The following MAP3K15 variants were observed in gnomAD, a reference collection of about 807,000 sequenced individuals.
MAP3K15 encodes mitogen-activated protein kinase kinase kinase 15.
In MAP3K15, 124 loss-of-function variants were observed where a neutral mutation model predicts 99.5. The observed-to-expected ratio is 1.25, with a 90% CI of 1.08 to 1.45. MAP3K15 has a LOEUF of 1.45. Among genes scored for constraint, MAP3K15 ranks in the 40% most tolerant of loss-of-function variants. The pLI is 0.00. For synonymous variants in MAP3K15, 494 were observed against 439.6 expected, an observed-to-expected ratio of 1.12 and a Z score of -1.55; for missense variants, 1,242 against 1,079.7, an observed-to-expected ratio of 1.15 and a Z score of -2.11.
chrX:19,428,428 T>C (rs899994694), intron 7 of MAP3K15, among the ~76,000 whole-genome samples: 3 of 111,404 alleles, frequency 2.7e-5, no homozygotes, highest in Non-Finnish European at 5.7e-5. Flanking sequence ...TTCCCTTCGA[T>C]ACCCTGAGTG....
At chrX:19,458,970 A>C (rs929029297) in intron 5 of MAP3K15, among the ~76,000 whole-genome samples, 13 of 111,828 alleles carry the variant, frequency 1.2e-4, no homozygotes, top group African/African-American at 4.2e-4. Context: ...GAAACGCTCA[A>C]TTTCCTTCAC....
chrX:19,486,580 C>A (rs1051765064), intron 2 of MAP3K15, 75 bp from the exon 3 acceptor site: 10 of 427,885 alleles, frequency 2.3e-5, no homozygotes, highest in Non-Finnish European at 3.6e-5. Flanking sequence ...CCAGCACTCC[C>A]CTCTATAAAA....
rs2147193068 is a variant in MAP3K15 at position 19,360,619 on chromosome X, C to CTTAAACTATTAATTGAACAATGGCATTT, written c.*102_*129dup. On this transcript the variant is annotated 3_prime_UTR_variant, in exon 29 of 29. Transcript: ENST00000338883. ...CTCAGGACAGTATTTAAAACAAGTT[C>CTTAAACTATTAATTGAACAATGGCATTT]TTAAACTATTAATTGAACAATGGCA... 2.0e-6 allele frequency: 1 copy of CTTAAACTATTAATTGAACAATGGCATTT among 500,367 alleles called. No homozygotes were observed. The highest frequency in any genetic ancestry group is 2.4e-5 in the African/African-American group (1 of 41,673). The allele number at this position is 500,367 out of a possible 1,213,427, so 41.2% of individuals were successfully genotyped here.
chrX:19,496,686 A>C (rs757617591), intron 1 of MAP3K15: 13 of 111,141 alleles, frequency 1.2e-4, no homozygotes, highest in Non-Finnish European at 2.3e-4. Context: ...TGCATTTCTT[A>C]ATTAGGTCTT....
chrX:19,385,951 A>G (rs7051886), intron 18 of MAP3K15, among the ~76,000 whole-genome samples: 11,735 of 111,647 alleles, frequency 0.11, 1,534 homozygotes, highest in African/African-American at 0.36. Context: ...TGTATTCACA[A>G]GGTAACCATC....
At position 19,483,658 on chromosome X, in the gene MAP3K15, C is replaced by T. The variant is rs749738814; in HGVS notation, c.525+2824G>A. ...GATTCTGTCTTGGAATCTCTGGGGTCGTATGATCCAGGTGTCTGATTCCAG... is the reference window on the plus strand; with the variant it reads ...GATTCTGTCTTGGAATCTCTGGGGTTGTATGATCCAGGTGTCTGATTCCAG... On this transcript the variant is annotated intron_variant, in intron 3 of 28. Coordinates refer to ENST00000338883, the MANE Select transcript of MAP3K15 (RefSeq NM_001001671.4). Among the ~76,000 whole-genome samples, 140 of 110,912 alleles carry T rather than the reference C, an allele frequency of 1.3e-3. 1 individual carries two copies. Among genetic ancestry groups the T allele is most frequent in the Middle Eastern group, 9.1e-3 (2 of 219 alleles).
In MAP3K15 at chrX:19,488,872, T is replaced by C. The variant is rs1349036164; in HGVS notation, c.457A>G (p.Ile153Val). The change falls in exon 2 of 29, where the codon ATC becomes GTC. Residue 153 changes from isoleucine to valine, a missense_variant. Ile to Val is a conservative substitution (Grantham distance 29). Transcript: ENST00000338883. The part of the protein sequence containing the change: ...RESFDMANNV[I>V]LYHDTDADTA... The stretch of plus-strand genomic sequence containing the variant: ...TCGGCATCGGTGTCATGGTACAAGA[T>C]CACATTATTGGCCATGTCAAAGCTT... 1.7e-6 allele frequency: 2 copies of C among 1,199,535 alleles called. No homozygotes were observed. Among genetic ancestry groups the C allele is most frequent in the Non-Finnish European group, 2.2e-6 (2 of 894,667 alleles).
At chrX:19,381,583 G>A (rs1234111625) in intron 18 of MAP3K15, among the ~76,000 whole-genome samples, 1 of 112,027 alleles carries the variant, frequency 8.9e-6, no homozygotes, top group Non-Finnish European at 1.9e-5. Flanking sequence ...GATAGACAGC[G>A]GTCCGGGGAA....
intron 2 of MAP3K15, among the ~76,000 whole-genome samples, chrX:19,487,910 C>T (rs1380942743): frequency 9.0e-6 from 1 of 110,978 alleles, no homozygotes; most frequent in South Asian, 3.9e-4. Context: ...CATTGGTTCT[C>T]ACCCATGGTT....
In MAP3K15 at chrX:19,449,694, C is replaced by T. The variant is rs1216646973; in HGVS notation, c.995+7219G>A. On this transcript the variant is annotated intron_variant, in intron 6 of 28. Transcript: ENST00000338883. Reference sequence around the variant, plus strand: ...ATCAATAAACTTTGAATTTACCAAACGATCGCTTTTTTCTGCAAATACCTA... The same window carrying T: ...ATCAATAAACTTTGAATTTACCAAATGATCGCTTTTTTCTGCAAATACCTA... Among the ~76,000 whole-genome samples, 12 of 109,270 alleles carry T rather than the reference C, an allele frequency of 1.1e-4. 1 individual carries two copies. The highest frequency in any genetic ancestry group is 9.6e-3 in the Middle Eastern group (2 of 208). 94.9% of individuals were successfully genotyped at this position (109,270 alleles called of 115,157 possible).
At chrX:19,388,702 A>G (rs2063507840) in intron 18 of MAP3K15, among the ~76,000 whole-genome samples, 1 of 111,867 alleles carries the variant, frequency 8.9e-6, no homozygotes, top group South Asian at 3.8e-4. Context: ...AAGGTCACAC[A>G]GCTAGCAAGT....
intron 19 of MAP3K15, 75 bp downstream of exon 19, chrX:19,380,045 C>T: frequency 3.8e-6 from 4 of 1,040,844 alleles, no homozygotes; most frequent in Non-Finnish European, 3.8e-6. Flanking sequence ...GAGAGGTTTT[C>T]TGGATTGGGA....
intron 28 of MAP3K15, 86 bp from the exon 29 acceptor site, chrX:19,360,919 G>A (rs1353899650): frequency 1.4e-6 from 1 of 719,701 alleles, no homozygotes; most frequent in Non-Finnish European, 2.1e-6. Flanking sequence ...AAAACCTAAT[G>A]AAAATAAAAA....
chrX:19,495,467 G>A (rs1424128830), intron 1 of MAP3K15, among the ~76,000 whole-genome samples: 2 of 111,609 alleles, frequency 1.8e-5, no homozygotes, highest in Admixed American at 9.6e-5. Context: ...GAGGGGAGGC[G>A]TGAGGACATC....
intron 1 of MAP3K15, among the ~76,000 whole-genome samples, chrX:19,502,103 T>C (rs911729595): frequency 2.7e-5 from 3 of 110,329 alleles, no homozygotes; most frequent in African/African-American, 9.9e-5. Context: ...GTTTTGCCTG[T>C]GAGGAAAGAA....
chrX:19,410,616 T>C lies in MAP3K15; in HGVS notation c.1699-643A>G, dbSNP rs6629341. On this transcript the variant is annotated intron_variant, in intron 11 of 28. Coordinates refer to ENST00000338883, the MANE Select transcript of MAP3K15 (RefSeq NM_001001671.4). ...TGCAACCTGGATATGACATGAGGCA[T>C]AGATAAACTTTTATCATGTTAAGAT... Among the ~76,000 whole-genome samples, 5 of 111,970 alleles carry C rather than the reference T, an allele frequency of 4.5e-5. No individual in the cohort carries two copies. In the East Asian group the frequency reaches 1.4e-3, roughly 31 times the overall value.
At chrX:19,410,557 AC>A (rs1471886705) in intron 11 of MAP3K15, among the ~76,000 whole-genome samples, 1 of 111,650 alleles carries the variant, frequency 9.0e-6, no homozygotes, top group East Asian at 2.8e-4. Context: ...TTCCCCATCC[AC>A]TGCAAGATGG....
chrX:19,396,347 A>T (rs777864113), intron 15 of MAP3K15, among the ~76,000 whole-genome samples: 3 of 112,149 alleles, frequency 2.7e-5, no homozygotes, highest in Non-Finnish European at 3.8e-5. Flanking sequence ...GATCAGCAAC[A>T]AAAAGCTAGA....
At chrX:19,508,329 G>A (rs745535790) in intron 1 of MAP3K15, among the ~76,000 whole-genome samples, 3 of 110,551 alleles carry the variant, frequency 2.7e-5, no homozygotes, top group Admixed American at 9.7e-5. Context: ...ACGCCACCAC[G>A]CCTGGCTAAT....
Sources: allele counts gnomAD v4.1 joint callset (sites outside exome capture counted in the v4.1 genomes callset), GRCh38; gene constraint gnomAD v4.1.1; transcripts MANE v1.5; gene names NCBI Gene and HGNC (gene_info 2026-07-23, HGNC 2026-07-21).